THADA: variants seen among roughly 807,000 people sequenced by gnomAD.
THADA encodes tRNA (32-2'-O)-methyltransferase regulator THADA.
In THADA, 213 loss-of-function variants were observed where a neutral mutation model predicts 219.8. The ratio of observed to expected loss-of-function variants is 0.97; its 90% CI spans 0.87 to 1.09. The LOEUF (loss-of-function observed/expected upper bound fraction) is 1.09, where lower values mean the gene tolerates loss of function less well. Among genes scored for constraint, THADA ranks in the 50% least tolerant of loss-of-function variants. The probability of loss-of-function intolerance (pLI) is 0.00; values close to 1 mark genes in which losing one functional copy is unlikely to be tolerated. For synonymous variants in THADA, 1,018 were observed against 828.9 expected, an observed-to-expected ratio of 1.23 and a Z score of -3.92; for missense variants, 2,956 against 2,311.3, an observed-to-expected ratio of 1.28 and a Z score of -5.72.
intron 36 of THADA, among the ~76,000 whole-genome samples, chr2:43,260,208 A>C (rs988003203): frequency 6.6e-6 from 1 of 152,364 alleles, no homozygotes; most frequent in South Asian, 2.1e-4. Flanking sequence ...GTGTGGGATC[A>C]CAAGTGGGAG....
chr2:43,568,883 G>T (rs989035456), intron 14 of THADA, among the ~76,000 whole-genome samples: 18 of 151,926 alleles, frequency 1.2e-4, no homozygotes, highest in Non-Finnish European at 2.4e-4. Flanking sequence ...CATCTACAAA[G>T]AATTAATTAA....
intron 36 of THADA, among the ~76,000 whole-genome samples, chr2:43,269,054 T>C (rs1671842503): frequency 6.6e-6 from 1 of 152,150 alleles, no homozygotes; most frequent in African/African-American, 2.4e-5. Context: ...TGCATTGTGA[T>C]ATGGCCTTGC....
rs58810052 is a variant in THADA at position 43,443,432 on chromosome 2, C to T, written c.3837-13130G>A. Among the ~76,000 whole-genome samples, 3 of 152,216 alleles carry T rather than the reference C, an allele frequency of 2.0e-5. No individual in the cohort carries two copies. In the East Asian group the frequency reaches 5.8e-4, roughly 29 times the overall value. On this transcript the variant is annotated intron_variant, in intron 26 of 37. Transcript: ENST00000405975. ...ACACAAATAAATAACGCTTGTCTCA[C>T]TGGTTTACAAACAGTTCAATTCTAG...
intron 31 of THADA, among the ~76,000 whole-genome samples, chr2:43,301,129 A>G (rs1040829186): frequency 2.0e-5 from 3 of 152,110 alleles, no homozygotes; most frequent in Non-Finnish European, 4.4e-5. Context: ...TCTGCTCTGC[A>G]CCCCAGCTGA....
intron 29 of THADA, among the ~76,000 whole-genome samples, chr2:43,392,379 T>G (rs546366248): frequency 6.6e-6 from 1 of 152,282 alleles, no homozygotes; most frequent in South Asian, 2.1e-4. Flanking sequence ...GAAACTCCAG[T>G]AGAGTTGACA....
At chr2:43,546,546 G>C (rs559136100) in intron 20 of THADA, among the ~76,000 whole-genome samples, 1 of 152,214 alleles carries the variant, frequency 6.6e-6, no homozygotes, top group East Asian at 1.9e-4. Context: ...TTATGAATCT[G>C]GGTGCTCCTG....
chr2:43,581,520 G>C (rs6715003), intron 8 of THADA, among the ~76,000 whole-genome samples: 24,330 of 147,376 alleles, frequency 0.17, 2,660 homozygotes, highest in African/African-American at 0.31. Flanking sequence ...CTCCAGCCTG[G>C]GCAGCACAGT....
chr2:43,382,327 G>A (rs1485697534), intron 29 of THADA, among the ~76,000 whole-genome samples: 2 of 152,152 alleles, frequency 1.3e-5, no homozygotes, highest in Non-Finnish European at 2.9e-5. Context: ...TAGGTGAGGG[G>A]TGTACAGAAA....
At chr2:43,516,182 G>T (rs1691701151) in intron 22 of THADA, among the ~76,000 whole-genome samples, 1 of 152,084 alleles carries the variant, frequency 6.6e-6, no homozygotes, top group Non-Finnish European at 1.5e-5. Context: ...TAACTAATCG[G>T]TCTTTCTGTT....
chr2:43,329,528 T>C (rs568701958), intron 30 of THADA, among the ~76,000 whole-genome samples: 1 of 152,356 alleles, frequency 6.6e-6, no homozygotes, highest in African/African-American at 2.4e-5. Context: ...CATCTTATTA[T>C]ATTAAAAGTT....
intron 3 of THADA, among the ~76,000 whole-genome samples, chr2:43,591,356 G>C (rs755216412): frequency 6.6e-6 from 1 of 151,986 alleles, no homozygotes; most frequent in Non-Finnish European, 1.5e-5. Flanking sequence ...TGTCAATTAC[G>C]TGAAATGTTT....
intron 26 of THADA, among the ~76,000 whole-genome samples, chr2:43,439,340 T>C (rs1310972958): frequency 6.6e-6 from 1 of 152,222 alleles, no homozygotes; most frequent in Admixed American, 6.5e-5. Flanking sequence ...AATTGCTCTA[T>C]TTCATTATTA....
intron 24 of THADA, among the ~76,000 whole-genome samples, chr2:43,502,622 A>G (rs182530035): frequency 6.6e-6 from 1 of 151,524 alleles, no homozygotes; most frequent in Admixed American, 6.6e-5. Context: ...AAAAAGAAAA[A>G]AGAAAGAAAA....
chr2:43,527,870 T>A lies in THADA; in HGVS notation c.3374+9A>T. The A allele has an allele frequency of 6.4e-7, 1 of 1,571,838 alleles. No homozygotes were observed. The highest frequency in any genetic ancestry group is 2.2e-5 in the East Asian group (1 of 44,566). The stretch of plus-strand genomic sequence containing the variant: ...TTTTAAAACGTACACAAAAGGATAT[T>A]TGTTTTACCTGTTTAGTACTTCAGT... On this transcript the variant is annotated intron_variant, in intron 22 of 37. Transcript: ENST00000405975.
At chr2:43,517,127 C>T (rs1422314145) in intron 22 of THADA, among the ~76,000 whole-genome samples, 1 of 152,076 alleles carries the variant, frequency 6.6e-6, no homozygotes, top group Non-Finnish European at 1.5e-5. Context: ...AAATACTCTA[C>T]AGAAAAGCCA....
intron 20 of THADA, among the ~76,000 whole-genome samples, chr2:43,548,777 T>C (rs1254173467): frequency 6.6e-6 from 1 of 152,354 alleles, no homozygotes; most frequent in East Asian, 1.9e-4. Flanking sequence ...CTGTCACCCC[T>C]TTCTTTGACT....
chr2:43,461,447 C>A (rs951755665), intron 26 of THADA, among the ~76,000 whole-genome samples: 1 of 152,166 alleles, frequency 6.6e-6, no homozygotes, highest in Non-Finnish European at 1.5e-5. Flanking sequence ...ACTACATCCA[C>A]TCCCTGACTT....
chr2:43,414,371 T>C (rs1283719381), intron 28 of THADA, among the ~76,000 whole-genome samples: 2 of 152,236 alleles, frequency 1.3e-5, no homozygotes, highest in Non-Finnish European at 2.9e-5. Context: ...TAGTCATTCA[T>C]TGGTTGATAC....
intron 17 of THADA, among the ~76,000 whole-genome samples, chr2:43,554,962 G>C (rs751886408): frequency 3.3e-5 from 5 of 152,104 alleles, no homozygotes; most frequent in African/African-American, 4.8e-5. Flanking sequence ...ATGCTCCAAT[G>C]TGCATTTCCT....
Sources: gnomAD v4.1 joint callset for allele counts (sites outside exome capture counted in the v4.1 genomes callset) on GRCh38, gnomAD v4.1.1 for gene constraint, MANE v1.5 for transcripts, NCBI Gene and HGNC (gene_info 2026-07-23, HGNC 2026-07-21) for gene names.